KIAA1671: variants seen among roughly 807,000 people sequenced by gnomAD.
KIAA1671 encodes KIAA1671.
In KIAA1671, 52 loss-of-function variants were observed where a neutral mutation model predicts 131.2. The ratio of observed to expected loss-of-function variants is 0.40; its 90% CI spans 0.32 to 0.50. KIAA1671 has a LOEUF of 0.50. KIAA1671 is among the 20% of genes least tolerant of loss of function. KIAA1671 has a pLI of 0.73. For missense variants in KIAA1671, 2,360 were observed against 2,364.2 expected (o/e 1.00, Z 0.04); for synonymous variants, 1,003 against 961.6 (o/e 1.04, Z -0.80).
At chr22:25,089,613 C>G (rs767706436) in intron 6 of KIAA1671, among the ~76,000 whole-genome samples, 3 of 152,114 alleles carry the variant, frequency 2.0e-5, no homozygotes, top group Non-Finnish European at 4.4e-5. Context: ...TCTTGCTATG[C>G]ATAGTTATCA....
At chr22:24,995,331 C>G (rs913918304) in intron 1 of KIAA1671, among the ~76,000 whole-genome samples, 1 of 150,064 alleles carries the variant, frequency 6.7e-6, no homozygotes, top group Non-Finnish European at 1.5e-5. Context: ...GGATTATAGG[C>G]GTGAGCCACT....
intron 1 of KIAA1671, among the ~76,000 whole-genome samples, chr22:25,006,633 A>G (rs1273860872): frequency 6.6e-6 from 1 of 152,166 alleles, no homozygotes; most frequent in Non-Finnish European, 1.5e-5. Flanking sequence ...GATTCTCACA[A>G]TTCAGTGATT....
At chr22:25,188,245 A>G (rs1377246105) in intron 11 of KIAA1671, among the ~76,000 whole-genome samples, 2 of 152,170 alleles carry the variant, frequency 1.3e-5, no homozygotes, top group African/African-American at 2.4e-5. Context: ...AGCTTGCAGT[A>G]AGCCGAGATG....
chr22:25,080,491 A>G (rs956117481), intron 6 of KIAA1671, among the ~76,000 whole-genome samples: 5 of 152,222 alleles, frequency 3.3e-5, no homozygotes, highest in African/African-American at 1.2e-4. Flanking sequence ...AGCTGAGCCC[A>G]GGCCAGCTCC....
chr22:25,093,732 C>CTCTT (rs759879869), intron 6 of KIAA1671, among the ~76,000 whole-genome samples: 3 of 111,528 alleles, frequency 2.7e-5, no homozygotes, highest in African/African-American at 1.3e-4. Context: ...CACACACACA[C>CTCTT]ACACACTCTC....
At chr22:25,128,136 T>C (rs544099585) in intron 6 of KIAA1671, among the ~76,000 whole-genome samples, 1 of 152,310 alleles carries the variant, frequency 6.6e-6, no homozygotes, top group East Asian at 1.9e-4. Flanking sequence ...TCTTGGGTCC[T>C]GGTGCCACGA....
chr22:24,963,395 T>C (rs1037390540), intron 1 of KIAA1671, among the ~76,000 whole-genome samples: 1 of 146,066 alleles, frequency 6.8e-6, no homozygotes, highest in Admixed American at 6.8e-5. Flanking sequence ...AAAAGTATCC[T>C]GTATTGATCT....
At chr22:24,956,738 G>A (rs1602024620) in intron 1 of KIAA1671, among the ~76,000 whole-genome samples, 1 of 152,310 alleles carries the variant, frequency 6.6e-6, no homozygotes, top group South Asian at 2.1e-4. Context: ...CGGGCGTGGT[G>A]GCGGGTGCCT....
At chr22:24,985,572 C>T (rs755173290) in intron 1 of KIAA1671, among the ~76,000 whole-genome samples, 10 of 152,196 alleles carry the variant, frequency 6.6e-5, no homozygotes, top group Non-Finnish European at 1.5e-4. Context: ...ATCTCCTGAG[C>T]TCATTATCCG....
chr22:24,959,281 G>A (rs756883181), intron 1 of KIAA1671, among the ~76,000 whole-genome samples: 1 of 151,866 alleles, frequency 6.6e-6, no homozygotes, highest in Non-Finnish European at 1.5e-5. Flanking sequence ...AGAGGTGGGC[G>A]GATCACTTGA....
intron 1 of KIAA1671, among the ~76,000 whole-genome samples, chr22:24,969,167 C>G (rs576607447): frequency 6.6e-6 from 1 of 152,202 alleles, no homozygotes; most frequent in Non-Finnish European, 1.5e-5. Flanking sequence ...TCCCAAAGTG[C>G]TGGCACTACA....
chr22:25,003,762 TTCTC>T (rs1364765489), intron 1 of KIAA1671, among the ~76,000 whole-genome samples: 1 of 151,786 alleles, frequency 6.6e-6, no homozygotes, highest in Non-Finnish European at 1.5e-5. Flanking sequence ...CTCTAATACT[TTCTC>T]TCAGTATCCA....
intron 1 of KIAA1671, among the ~76,000 whole-genome samples, chr22:24,999,674 G>A (rs1424262419): frequency 2.4e-5 from 3 of 122,608 alleles, no homozygotes; most frequent in East Asian, 2.6e-4. Flanking sequence ...GCTATTCTCC[G>A]GCTTCAGCCT....
chr22:25,126,646 C>CT (rs1260700012), intron 6 of KIAA1671, among the ~76,000 whole-genome samples: 9 of 152,148 alleles, frequency 5.9e-5, no homozygotes, highest in Admixed American at 4.6e-4. Context: ...CAGTTCACTT[C>CT]TTTTTTTGTT....
intron 6 of KIAA1671, among the ~76,000 whole-genome samples, chr22:25,134,766 A>G (rs1932598569): frequency 6.6e-6 from 1 of 152,240 alleles, no homozygotes; most frequent in African/African-American, 2.4e-5. Context: ...GAGACAGACC[A>G]GAATTTAAAT....
chr22:25,038,558 G>A (rs1024109456), intron 4 of KIAA1671, among the ~76,000 whole-genome samples: 1 of 152,162 alleles, frequency 6.6e-6, no homozygotes, highest in African/African-American at 2.4e-5. Context: ...CCAAAGTCGG[G>A]TTCATTTATG....
intron 6 of KIAA1671, among the ~76,000 whole-genome samples, chr22:25,104,092 C>T (rs1190396136): frequency 6.6e-6 from 1 of 152,164 alleles, no homozygotes. Flanking sequence ...GATTCTCCTG[C>T]CTCAGCCTCC....
intron 6 of KIAA1671, among the ~76,000 whole-genome samples, chr22:25,163,331 A>ATTTTTTT (rs132895): frequency 4.3e-4 from 24 of 55,554 alleles, no homozygotes; most frequent in East Asian, 8.1e-4. Flanking sequence ...ATTGCCTCAA[A>ATTTTTTT]TTTTTTTTTT....
chr22:25,041,227 C>T lies in KIAA1671; in HGVS notation c.4097C>T (p.Ser1366Leu), dbSNP rs1283875481. Residue 1366 changes from serine (S) to leucine (L), a missense_variant, in exon 5 of 13, where the codon TCG becomes TTG. Around this residue, in one of 3 missense-constraint regions of KIAA1671, gnomAD observed 1,161 missense variants for 1,204.7 expected, o/e 0.96. Transcript: ENST00000358431. ...PGSGVRVSPK[S>L]PPTDQKKGTP... Reference sequence around the variant, plus strand: ...AGTGGGGTCAGGGTGTCACCCAAATCGCCCCCCACTGACCAGAAGAAAGGG... The same window carrying T: ...AGTGGGGTCAGGGTGTCACCCAAATTGCCCCCCACTGACCAGAAGAAAGGG... 35 of 1,551,646 alleles carry T rather than the reference C, an allele frequency of 2.3e-5. 1 individual carries two copies. In the South Asian group the frequency reaches 2.3e-4, roughly 10 times the overall value.
Sources: gnomAD v4.1 joint callset for allele counts (sites outside exome capture counted in the v4.1 genomes callset) on GRCh38, gnomAD v4.1.1 for gene constraint, gnomAD v4.1.1 regional missense constraint, MANE v1.5 for transcripts, NCBI Gene and HGNC (gene_info 2026-07-23, HGNC 2026-07-21) for gene names.